Variants in MRPL2 observed in about 807,000 individuals in gnomAD.
MRPL2 encodes the protein large ribosomal subunit protein uL2m.
Under a neutral mutation model 34.6 loss-of-function variants are expected in MRPL2, and 27 were observed. That is an observed-to-expected ratio of 0.78 (90% confidence interval 0.58 to 1.08). The LOEUF (loss-of-function observed/expected upper bound fraction) is 1.08. Ranked by LOEUF, MRPL2 falls within the 50% of genes least tolerant of loss-of-function variation. MRPL2 has a pLI of 0.00. For synonymous variants in MRPL2, 155 were observed against 158.0 expected (o/e 0.98, Z 0.14); for missense variants, 414 against 419.3 (o/e 0.99, Z 0.11).
At chr6:43,057,643 C>T (rs1034731510) in intron 2 of MRPL2, 1 of 184,530 alleles carries the variant, frequency 5.4e-6, no homozygotes, top group Non-Finnish European at 1.1e-5. Flanking sequence ...TGCGCCTGAC[C>T]AATTTTTAAA....
Position 43,059,396 on chromosome 6 carries a change from T to A in MRPL2, c.-15A>T. The A allele has an allele frequency of 6.5e-7, 1 of 1,534,158 alleles. No individual in the cohort carries two copies. The highest frequency in any genetic ancestry group is 8.8e-7 in the Non-Finnish European group (1 of 1,135,520). On this transcript the variant is annotated 5_prime_UTR_variant, in exon 1 of 7. Transcript: ENST00000388752. ...CACAGGGCCATCAGCACGACACCCT[T>A]ACTTTTAGCCAAGCTGCTCGGTGCT...
chr6:43,059,247 C>T (rs746004079), intron 1 of MRPL2, 39 bp downstream of exon 1: 1 of 1,551,092 alleles, frequency 6.4e-7, no homozygotes, highest in South Asian at 1.2e-5. Flanking sequence ...TCCGGCAGCC[C>T]GAATGGAAGC....
At position 43,058,057 on chromosome 6, in the gene MRPL2, G is replaced by T; in HGVS notation, c.265+8C>A. ...TGACTGCTTAAATCCCCCTGTCCTT[G>T]TTCCCACCTGTGTGGTCTCGGCCCC... On this transcript the variant is annotated splice_region_variant and intron_variant, in intron 2 of 6. Coordinates refer to ENST00000388752, the MANE Select transcript of MRPL2 (RefSeq NM_015950.5). The T allele has an allele frequency of 6.2e-7, 1 of 1,613,618 alleles. No homozygotes were observed. The highest frequency in any genetic ancestry group is 1.3e-5 in the African/African-American group (1 of 74,964).
chr6:43,055,897 C>A lies in MRPL2; in HGVS notation c.631G>T (p.Gly211Trp), dbSNP rs1258867940. The A allele has an allele frequency of 6.2e-7, 1 of 1,611,230 alleles. No individual in the cohort carries two copies. Among genetic ancestry groups the A allele is most frequent in the African/African-American group, 1.3e-5 (1 of 74,850 alleles). Residue 211 changes from glycine (G) to tryptophan (W), a missense_variant and splice_region_variant, in exon 5 of 7, where the codon GGG becomes TGG. By Grantham distance (184) the Gly-to-Trp change is radical. Coordinates refer to ENST00000388752, the MANE Select transcript of MRPL2 (RefSeq NM_015950.5). ...GRGAQYIRAA[G>W]TCGVLLRKVN... ...ACCCAGGCAACTCCTTTCCCCATAC[C>A]TGCAGCTCGGATATATTGGGCACCC...
chr6:43,055,641 C>T, intron 5 of MRPL2, 23 bp from the exon 6 acceptor site: 2 of 1,613,696 alleles, frequency 1.2e-6, no homozygotes, highest in Non-Finnish European at 1.7e-6. Context: ...GCTGATTTGC[C>T]ACCCTCCACA....
chr6:43,058,306 G>A (rs1764950510), intron 1 of MRPL2, 73 bp from the exon 2 acceptor site: 1 of 1,476,112 alleles, frequency 6.8e-7, no homozygotes, highest in Non-Finnish European at 9.4e-7. Flanking sequence ...AAGGCAGAGG[G>A]CACAGATCAA....
rs946163419 is a variant in MRPL2 at position 43,054,244 on chromosome 6, G to GC, written c.*29_*30insG. 6 of 1,395,972 alleles carry GC rather than the reference G, an allele frequency of 4.3e-6. No individual in the cohort carries two copies. The South Asian group carries it at 6.6e-5, about 15-fold the overall frequency. 86.5% of individuals were successfully genotyped at this position (1,395,972 alleles called of 1,614,324 possible). On this transcript the variant is annotated 3_prime_UTR_variant, in exon 7 of 7. Transcript: ENST00000388752. ...CCACAGTAACAGATTAAAACGGGGG[G>GC]GGGGGGCATTTTATTAGAGTACAGG...
upstream of MRPL2, chr6:43,059,512 T>C (rs1196847004): frequency 3.5e-6 from 5 of 1,436,442 alleles, no homozygotes; most frequent in Non-Finnish European, 4.6e-6. Context: ...GATACACACC[T>C]CCTTTCCTAC....
At chr6:43,058,590 G>A (rs992347810) in intron 1 of MRPL2, among the ~76,000 whole-genome samples, 4 of 152,308 alleles carry the variant, frequency 2.6e-5, no homozygotes, top group African/African-American at 9.6e-5. Flanking sequence ...GAGGGGAGGG[G>A]TCATTTCACT....
At chr6:43,055,451 G>A in intron 6 of MRPL2, 94 bp downstream of exon 6, 1 of 1,199,626 alleles carries the variant, frequency 8.3e-7, no homozygotes, top group Non-Finnish European at 1.2e-6. Context: ...GCAGTTCCTT[G>A]CATCATAAAA....
At chr6:43,056,584 C>G in intron 2 of MRPL2, 139 bp from the exon 3 acceptor site, 1 of 941,396 alleles carries the variant, frequency 1.1e-6, no homozygotes, top group Non-Finnish European at 1.6e-6. Flanking sequence ...TTGCACAGCA[C>G]ACTGGAGTAA....
rs1764874320 is a variant in MRPL2 at position 43,056,215 on chromosome 6, A to C, written c.405-19T>G. On this transcript the variant is annotated intron_variant, in intron 3 of 6. Coordinates refer to ENST00000388752, the MANE Select transcript of MRPL2 (RefSeq NM_015950.5). ...TGCTGACCTAATCAGGGTGAGGGACAGGTAAGCAGACCGTCTAGGCAGCCC... is the reference window on the plus strand; with the variant it reads ...TGCTGACCTAATCAGGGTGAGGGACCGGTAAGCAGACCGTCTAGGCAGCCC... 1 of 1,612,606 alleles carries C rather than the reference A, an allele frequency of 6.2e-7. No homozygotes were observed. The highest frequency in any genetic ancestry group is 1.7e-5 in the Admixed American group (1 of 59,984).
intron 2 of MRPL2, chr6:43,057,709 C>T (rs916374891): frequency 4.7e-5 from 14 of 294,998 alleles, no homozygotes; most frequent in Non-Finnish European, 6.8e-5. Context: ...AAACTTGTGA[C>T]GTCAGGTGAT....
chr6:43,056,499 C>T, intron 2 of MRPL2, 54 bp from the exon 3 acceptor site: 1 of 1,607,080 alleles, frequency 6.2e-7, no homozygotes, highest in Non-Finnish European at 8.5e-7. Context: ...GTTTAGTTTC[C>T]AGCACTGGGA....
At chr6:43,055,834 C>G in intron 5 of MRPL2, 63 bp downstream of exon 5, 1 of 1,483,260 alleles carries the variant, frequency 6.7e-7, no homozygotes, top group Non-Finnish European at 9.2e-7. Context: ...GATGTGGAAC[C>G]ATGGGTTCAG....
rs1764868761 is a variant in MRPL2, at chr6:43,056,054, C to T, written c.520+27G>A. ...GCTCTAGAACTTTTGCTGCCTCCAG[C>T]CCACACATCTGGTAGCCATCTCTCA... On this transcript the variant is annotated intron_variant, in intron 4 of 6. Coordinates refer to ENST00000388752, the MANE Select transcript of MRPL2 (RefSeq NM_015950.5). 4 of 1,614,170 alleles carry T rather than the reference C, an allele frequency of 2.5e-6. No individual in the cohort carries two copies. The South Asian group carries it at 4.4e-5, about 18-fold the overall frequency.
At position 43,059,411 on chromosome 6, in the gene MRPL2, T is replaced by G. The variant is rs375118089; in HGVS notation, c.-30A>C. The G allele has an allele frequency of 5.9e-6, 9 of 1,517,620 alleles. No individual in the cohort carries two copies. The highest frequency in any genetic ancestry group is 4.2e-4 in the Middle Eastern group (2 of 4,740). 94.0% of individuals were successfully genotyped at this position (1,517,620 alleles called of 1,614,324 possible). A position where few individuals can be genotyped will look rare whatever the true frequency, so the allele number is the denominator to read the frequency against. On this transcript the variant is annotated 5_prime_UTR_variant, in exon 1 of 7. Coordinates refer to ENST00000388752, the MANE Select transcript of MRPL2 (RefSeq NM_015950.5). ...ACGACACCCTTACTTTTAGCCAAGC[T>G]GCTCGGTGCTCCTAGATGACGTTGA...
intron 5 of MRPL2, 22 bp from the exon 6 acceptor site, chr6:43,055,640 C>T (rs768518721): frequency 6.9e-5 from 112 of 1,613,450 alleles, no homozygotes; most frequent in Admixed American, 2.0e-4. Context: ...AGCTGATTTG[C>T]CACCCTCCAC....
chr6:43,056,221 G>A (rs1290017670), intron 3 of MRPL2, 25 bp from the exon 4 acceptor site: 10 of 1,612,616 alleles, frequency 6.2e-6, no homozygotes, highest in Non-Finnish European at 7.6e-6. Context: ...GGACAGGTAA[G>A]CAGACCGTCT....
Sources: gnomAD v4.1 joint callset for allele counts (sites outside exome capture counted in the v4.1 genomes callset) on GRCh38, gnomAD v4.1.1 for gene constraint, MANE v1.5 for transcripts, NCBI Gene and HGNC (gene_info 2026-07-23, HGNC 2026-07-21) for gene names.